The following FAM13B variants were observed in gnomAD, a reference collection of about 807,000 sequenced individuals.
The protein encoded by FAM13B is family with sequence similarity 13 member B, also known as protein FAM13B.
In FAM13B, 60 loss-of-function variants were observed where a neutral mutation model predicts 117.3. That is an observed-to-expected ratio of 0.51 (90% CI 0.42 to 0.63). The LOEUF (loss-of-function observed/expected upper bound fraction) is 0.63. FAM13B is among the 30% of genes least tolerant of loss of function. FAM13B has a pLI of 0.00. For missense variants in FAM13B, 972 were observed against 1,091.9 expected (o/e 0.89, Z 1.55); for synonymous variants, 332 against 356.1 (o/e 0.93, Z 0.76).
intron 4 of FAM13B, among the ~76,000 whole-genome samples, chr5:138,017,380 C>T (rs1243592490): frequency 6.6e-6 from 1 of 152,240 alleles, no homozygotes; most frequent in Non-Finnish European, 1.5e-5. Context: ...AGGATATATA[C>T]ACACATATTA....
rs1172075196 is a variant in FAM13B at position 137,939,224 on chromosome 5, G to A, written c.*1001C>T. 1 of 151,538 alleles carries A rather than the reference G, an allele frequency of 6.6e-6. No homozygotes were observed. The highest frequency in any genetic ancestry group is 1.5e-5 in the Non-Finnish European group (1 of 67,772). 9.4% of individuals were successfully genotyped at this position (151,538 alleles called of 1,614,324 possible). ...TGGATTTTGCTGATTAAAATAGGAG[G>A]GGAAAAAAAAAAAGATAACCCCCTG... On this transcript the variant is annotated 3_prime_UTR_variant, in exon 24 of 24. Transcript: ENST00000689681.
rs112119446 is a variant in FAM13B, at chr5:137,981,218, A to G, written c.1179+4039T>C. On this transcript the variant is annotated intron_variant, in intron 10 of 23. Transcript: ENST00000689681. The stretch of plus-strand genomic sequence containing the variant: ...CTCCCAAAGTGCTAGGATTACAGGC[A>G]TGAGCCACTGTGAGTAGCCCCATGA... Among the ~76,000 whole-genome samples, 1,231 of 151,490 alleles carry G rather than the reference A, an allele frequency of 8.1e-3. 12 individuals are homozygous for G. The highest frequency in any genetic ancestry group is 0.014 in the Non-Finnish European group (934 of 67,948).
intron 17 of FAM13B, among the ~76,000 whole-genome samples, chr5:137,952,303 G>A (rs1765256800): frequency 6.6e-6 from 1 of 151,918 alleles, no homozygotes; most frequent in Non-Finnish European, 1.5e-5. Context: ...ACTCAAAGCT[G>A]CTTAATATCT....
At chr5:137,956,606 C>G in intron 13 of FAM13B, 64 bp from the exon 14 acceptor site, 1 of 1,216,342 alleles carries the variant, frequency 8.2e-7, no homozygotes, top group African/African-American at 1.5e-5. Flanking sequence ...CAGAACAAAC[C>G]ATACACATAA....
At chr5:137,955,190 A>G (rs773994481) in intron 14 of FAM13B, among the ~76,000 whole-genome samples, 5 of 152,216 alleles carry the variant, frequency 3.3e-5, no homozygotes, top group Non-Finnish European at 5.9e-5. Context: ...TCAAATAGCT[A>G]TATTAAGAAA....
intron 1 of FAM13B, among the ~76,000 whole-genome samples, chr5:138,047,058 A>C (rs557527354): frequency 3.7e-4 from 56 of 151,930 alleles, no homozygotes; most frequent in African/African-American, 1.3e-3. Context: ...CTTTTCACTT[A>C]CTCAGAAAGC....
chr5:137,975,980 C>CTTTTTTTTTTTTTTTTTTTT lies in FAM13B; in HGVS notation c.1179+9276_1179+9277insAAAAAAAAAAAAAAAAAAAA, dbSNP rs57478594. Reference sequence around the variant, plus strand: ...CCACAACCAGACTGCTCAACTCTTCCTTTTTTTTTTTTTTTGAGACAGTCT... The same window carrying CTTTTTTTTTTTTTTTTTTTT: ...CCACAACCAGACTGCTCAACTCTTCCTTTTTTTTTTTTTTTTTTTTTTTTTTTTTTTTTTTGAGACAGTCT... On this transcript the variant is annotated intron_variant, in intron 10 of 23. Transcript: ENST00000689681. 3.0e-4 allele frequency among the ~76,000 whole-genome samples: 33 copies of CTTTTTTTTTTTTTTTTTTTT among 110,180 alleles called. 3 individuals carry two copies. The highest frequency in any genetic ancestry group is 4.4e-4 in the African/African-American group (12 of 27,068). 72.3% of individuals were successfully genotyped at this position (110,180 alleles called of 152,430 possible).
At chr5:138,029,395 T>C (rs1420045039) in intron 1 of FAM13B, among the ~76,000 whole-genome samples, 2 of 152,250 alleles carry the variant, frequency 1.3e-5, no homozygotes, top group African/African-American at 4.8e-5. Context: ...TTAAATACTT[T>C]GTAGTTGCTG....
At chr5:138,001,225 C>T (rs939682697) in intron 7 of FAM13B, among the ~76,000 whole-genome samples, 8 of 152,168 alleles carry the variant, frequency 5.3e-5, no homozygotes, top group Admixed American at 5.2e-4. Flanking sequence ...ACAAAGCAGG[C>T]TACCTAATAT....
At chr5:137,962,542 T>C (rs1581102136) in intron 10 of FAM13B, 73 bp from the exon 11 acceptor site, 2 of 1,354,072 alleles carry the variant, frequency 1.5e-6, no homozygotes, top group East Asian at 4.6e-5. Context: ...CAATCTAAAT[T>C]AGGATATTAG....
chr5:137,956,391 G>A, intron 14 of FAM13B, 86 bp downstream of exon 14: 5 of 858,018 alleles, frequency 5.8e-6, no homozygotes, highest in Non-Finnish European at 8.7e-6. Flanking sequence ...TAAGATATGG[G>A]GACAGCAGGA....
intron 16 of FAM13B, 66 bp from the exon 17 acceptor site, chr5:137,952,775 A>G: frequency 2.1e-6 from 2 of 950,040 alleles, no homozygotes; most frequent in South Asian, 3.1e-5. Flanking sequence ...ATTTATGTCC[A>G]AATAGTATTT....
chr5:137,972,542 A>T (rs1038923435), intron 10 of FAM13B, among the ~76,000 whole-genome samples: 5 of 151,968 alleles, frequency 3.3e-5, no homozygotes, highest in African/African-American at 1.2e-4. Context: ...CCCTTTGAAA[A>T]ATGGCACAAG....
intron 1 of FAM13B, among the ~76,000 whole-genome samples, chr5:138,040,666 A>G (rs918977203): frequency 7.2e-5 from 11 of 152,350 alleles, no homozygotes; most frequent in African/African-American, 2.6e-4. Context: ...GAAGGTAAAT[A>G]TCCTAAATTC....
chr5:137,965,161 T>A (rs1281947995), intron 10 of FAM13B, among the ~76,000 whole-genome samples: 2 of 152,082 alleles, frequency 1.3e-5, no homozygotes, highest in African/African-American at 4.8e-5. Flanking sequence ...AGAGCGAGCC[T>A]CTGTTTCAAA....
chr5:137,975,750 C>A (rs147755443), intron 10 of FAM13B, among the ~76,000 whole-genome samples: 24 of 152,198 alleles, frequency 1.6e-4, no homozygotes, highest in African/African-American at 5.5e-4. Context: ...TCAACTTGCA[C>A]ACTGAATCAC....
At chr5:137,942,399 C>G (rs1420440939) in intron 22 of FAM13B, 2 of 239,290 alleles carry the variant, frequency 8.4e-6, no homozygotes, top group East Asian at 9.6e-5. Flanking sequence ...GAGTCTCACT[C>G]TGTCGCCCAG....
intron 10 of FAM13B, among the ~76,000 whole-genome samples, chr5:137,967,204 C>T (rs575556817): frequency 6.6e-6 from 1 of 151,806 alleles, no homozygotes; most frequent in Non-Finnish European, 1.5e-5. Context: ...TGCGACTGAT[C>T]GTTAAGAAAG....
rs115532829 is a variant in FAM13B, at chr5:138,009,344, G to T, written c.690+1664C>A. Among the ~76,000 whole-genome samples the T allele has an allele frequency of 6.2e-3, 948 of 152,298 alleles. 13 individuals carry two copies. The highest frequency in any genetic ancestry group is 0.022 in the African/African-American group (914 of 41,568). On this transcript the variant is annotated intron_variant, in intron 6 of 23. Transcript: ENST00000689681. ...AGAGGTAAGATTTCAACACAAAGGT[G>T]AAAATCTCAAATGATAGATCAGGTT...
Sources: gnomAD v4.1 joint callset for allele counts (sites outside exome capture counted in the v4.1 genomes callset) on GRCh38, gnomAD v4.1.1 for gene constraint, MANE v1.5 for transcripts, NCBI Gene and HGNC (gene_info 2026-07-23, HGNC 2026-07-21) for gene names.